PPP1R1C: variants seen among roughly 807,000 people sequenced by gnomAD.
The protein encoded by PPP1R1C is protein phosphatase 1 regulatory subunit 1C.
Under a neutral mutation model 17.4 loss-of-function variants are expected in PPP1R1C, and 15 were observed. That is an observed-to-expected ratio of 0.86 (90% CI 0.58 to 1.33). The LOEUF (loss-of-function observed/expected upper bound fraction) is 1.33. PPP1R1C is among the 40% of genes most tolerant of loss of function. PPP1R1C has a pLI of 0.00. For synonymous variants in PPP1R1C, 35 were observed against 43.1 expected (o/e 0.81, Z 0.73); for missense variants, 143 against 130.0 (o/e 1.10, Z -0.48).
At chr2:182,042,274 A>AT in intron 2 of PPP1R1C, among the ~76,000 whole-genome samples, 1 of 152,306 alleles carries the variant, frequency 6.6e-6, no homozygotes, top group East Asian at 1.9e-4. Context: ...ATTTCATGTC[A>AT]CAGATAAATA....
At chr2:182,078,668 C>T (rs1469055238) in intron 4 of PPP1R1C, among the ~76,000 whole-genome samples, 3 of 152,188 alleles carry the variant, frequency 2.0e-5, no homozygotes, top group African/African-American at 7.2e-5. Flanking sequence ...GGGCTTGAAT[C>T]CCAGCTCTGA....
chr2:182,018,778 T>G (rs940054888), intron 2 of PPP1R1C, among the ~76,000 whole-genome samples: 1 of 152,074 alleles, frequency 6.6e-6, no homozygotes, highest in Non-Finnish European at 1.5e-5. Context: ...AGGATCTGAC[T>G]GGGGGATGGG....
At chr2:182,035,583 A>G (rs1205114744) in intron 2 of PPP1R1C, among the ~76,000 whole-genome samples, 1 of 152,080 alleles carries the variant, frequency 6.6e-6, no homozygotes, top group Non-Finnish European at 1.5e-5. Flanking sequence ...ATGTTTTAGC[A>G]CCATCCCTCA....
downstream of PPP1R1C, among the ~76,000 whole-genome samples, chr2:182,118,907 T>C (rs1239204154): frequency 2.6e-5 from 4 of 151,892 alleles, no homozygotes; most frequent in Non-Finnish European, 5.9e-5. Context: ...ACTTTTTCTT[T>C]TTTTTTTAAA....
chr2:182,033,233 A>G (rs969985299), intron 2 of PPP1R1C, among the ~76,000 whole-genome samples: 4 of 152,152 alleles, frequency 2.6e-5, no homozygotes, highest in Non-Finnish European at 5.9e-5. Context: ...CACACAAACA[A>G]TGATCTTTCT....
intron 1 of PPP1R1C, among the ~76,000 whole-genome samples, chr2:181,966,294 T>C (rs1396437374): frequency 6.6e-6 from 1 of 152,182 alleles, no homozygotes; most frequent in African/African-American, 2.4e-5. Flanking sequence ...GGAGGCACTT[T>C]ATTTCTTTTT....
At chr2:182,006,430 T>C (rs1441541444) in intron 2 of PPP1R1C, among the ~76,000 whole-genome samples, 2 of 152,198 alleles carry the variant, frequency 1.3e-5, no homozygotes, top group East Asian at 1.9e-4. Context: ...ATATACAGCA[T>C]TGATGAAACA....
intron 2 of PPP1R1C, among the ~76,000 whole-genome samples, chr2:182,029,588 A>T (rs1357178210): frequency 7.2e-6 from 1 of 138,086 alleles, no homozygotes; most frequent in Admixed American, 7.3e-5. Context: ...ATCCGCTGTT[A>T]GTCTGATGGG....
intron 2 of PPP1R1C, among the ~76,000 whole-genome samples, chr2:181,999,566 G>C (rs1359492317): frequency 2.0e-5 from 3 of 151,868 alleles, no homozygotes; most frequent in African/African-American, 7.3e-5. Context: ...CTTTTTCATG[G>C]AATAAAATAT....
At chr2:181,968,180 A>G (rs182192227) in intron 1 of PPP1R1C, among the ~76,000 whole-genome samples, 4 of 152,300 alleles carry the variant, frequency 2.6e-5, no homozygotes, top group Admixed American at 2.6e-4. Flanking sequence ...TAGTTGTTGG[A>G]TGAAATGTTT....
chr2:181,975,399 T>A (rs1415618646), intron 2 of PPP1R1C: 1 of 151,968 alleles, frequency 6.6e-6, no homozygotes, highest in Admixed American at 6.6e-5. Flanking sequence ...GAACATTTCC[T>A]CTGAGTAGAA....
chr2:182,025,256 G>C (rs1270178493), intron 2 of PPP1R1C, among the ~76,000 whole-genome samples: 1 of 144,816 alleles, frequency 6.9e-6, no homozygotes, highest in Non-Finnish European at 1.5e-5. Context: ...TGTGCACATT[G>C]TGCAGGTTAG....
intron 2 of PPP1R1C, among the ~76,000 whole-genome samples, chr2:181,992,675 G>T (rs769337700): frequency 7.4e-6 from 1 of 134,528 alleles, no homozygotes; most frequent in Admixed American, 7.3e-5. Flanking sequence ...AGTGGAATCC[G>T]AAGCATAAGG....
chr2:182,078,612 C>A (rs747948607), intron 4 of PPP1R1C, among the ~76,000 whole-genome samples: 1 of 152,024 alleles, frequency 6.6e-6, no homozygotes, highest in Admixed American at 6.5e-5. Context: ...TCATTTGGTA[C>A]GGGAAAAAAT....
intron 2 of PPP1R1C, among the ~76,000 whole-genome samples, chr2:182,040,736 A>G: frequency 6.6e-6 from 1 of 152,154 alleles, no homozygotes; most frequent in East Asian, 1.9e-4. Context: ...GCCTAGGCCA[A>G]TGTCTTACAG....
chr2:182,072,721 A>T (rs544161293), intron 4 of PPP1R1C, among the ~76,000 whole-genome samples: 1 of 152,308 alleles, frequency 6.6e-6, no homozygotes, highest in South Asian at 2.1e-4. Flanking sequence ...TTTTTACAAG[A>T]TCTTTTTATA....
chr2:182,044,972 T>A (rs76708140), intron 2 of PPP1R1C, among the ~76,000 whole-genome samples: 2,304 of 152,336 alleles, frequency 0.015, 154 homozygotes, highest in Admixed American at 0.12. Context: ...CATCTTTCTG[T>A]CTCTCTATCT....
downstream of PPP1R1C, among the ~76,000 whole-genome samples, chr2:182,121,639 C>G (rs538175601): frequency 9.6e-4 from 146 of 152,202 alleles, no homozygotes; most frequent in Non-Finnish European, 1.7e-3. Context: ...AGGTGCCCAC[C>G]ACCACGCCCA....
intron 2 of PPP1R1C, among the ~76,000 whole-genome samples, chr2:182,013,127 T>A (rs1686143131): frequency 6.6e-6 from 1 of 152,126 alleles, no homozygotes; most frequent in Non-Finnish European, 1.5e-5. Context: ...GTAAGTTTTG[T>A]ACCTTCAGAT....
Sources: gnomAD v4.1 joint callset for allele counts (sites outside exome capture counted in the v4.1 genomes callset) on GRCh38, gnomAD v4.1.1 for gene constraint, MANE v1.5 for transcripts, NCBI Gene and HGNC (gene_info 2026-07-23, HGNC 2026-07-21) for gene names.